SPATA6: variants seen among roughly 807,000 people sequenced by gnomAD.
The protein encoded by SPATA6 is spermatogenesis-associated protein 6.
A neutral mutation model predicts 65.3 loss-of-function variants in SPATA6; 56 were observed. That is an observed-to-expected ratio of 0.86 (90% confidence interval 0.69 to 1.07). The LOEUF is 1.07. Ranked by LOEUF, SPATA6 falls within the 50% of genes least tolerant of loss-of-function variation. The pLI, the probability that SPATA6 is intolerant of heterozygous loss-of-function variation, is 0.00. For missense variants in SPATA6, 590 were observed against 594.8 expected (o/e 0.99, Z 0.08); for synonymous variants, 199 against 213.2 (o/e 0.93, Z 0.58).
the SPATA6 span, among the ~76,000 whole-genome samples, chr1:48,264,424 G>A: frequency 6.6e-6 from 1 of 152,154 alleles, no homozygotes; most frequent in East Asian, 1.9e-4. Context: ...GAACATGCAG[G>A]TTTGTTACAT....
downstream of SPATA6, among the ~76,000 whole-genome samples, chr1:48,290,573 C>T (rs558608924): frequency 1.2e-4 from 19 of 152,192 alleles, no homozygotes; most frequent in East Asian, 7.7e-4. Context: ...AGAGTCAAGA[C>T]CCATCAGTGT....
chr1:48,418,707 A>AAAAG (rs1653028111), intron 3 of SPATA6, among the ~76,000 whole-genome samples: 19 of 150,828 alleles, frequency 1.3e-4, no homozygotes, highest in Non-Finnish European at 2.5e-4. Flanking sequence ...GGGCAACAAA[A>AAAAG]CAAGACCCAG....
chr1:48,435,444 A>T (rs138116518), intron 3 of SPATA6, among the ~76,000 whole-genome samples: 104 of 151,482 alleles, frequency 6.9e-4, no homozygotes, highest in African/African-American at 2.5e-3. Flanking sequence ...ACCAATCAGC[A>T]CTCTGTGTCT....
rs562422401 is a variant in SPATA6, at chr1:48,356,711, G to C, written c.1095-942C>G. ...TTAGTAGAGAGGTTTCATCATGTTG[G>C]TCAGGCTGGTCCCAAACTGCTGACC... On this transcript the variant is annotated intron_variant, in intron 10 of 12. Transcript: ENST00000371847. Among the ~76,000 whole-genome samples, 7 of 151,838 alleles carry C rather than the reference G, an allele frequency of 4.6e-5. No homozygotes were observed. In the South Asian group the frequency reaches 1.5e-3, roughly 32 times the overall value.
At chr1:48,363,624 G>T (rs1467428601) in intron 9 of SPATA6, among the ~76,000 whole-genome samples, 1 of 151,674 alleles carries the variant, frequency 6.6e-6, no homozygotes, top group Non-Finnish European at 1.5e-5. Context: ...TATGAAAAGA[G>T]TTTTTTTAAT....
At chr1:48,444,100 G>A (rs1303850436) in intron 3 of SPATA6, among the ~76,000 whole-genome samples, 1 of 152,214 alleles carries the variant, frequency 6.6e-6, no homozygotes. Flanking sequence ...GGGACTGAGA[G>A]GTGAAGCCAG....
intron 3 of SPATA6, among the ~76,000 whole-genome samples, chr1:48,440,035 A>AAG (rs1395874656): frequency 6.6e-6 from 1 of 152,168 alleles, no homozygotes; most frequent in African/African-American, 2.4e-5. Flanking sequence ...TACATCCCAC[A>AAG]AGAGGACCTC....
chr1:48,422,545 G>C (rs1653448056), intron 3 of SPATA6, among the ~76,000 whole-genome samples: 1 of 152,146 alleles, frequency 6.6e-6, no homozygotes, highest in Non-Finnish European at 1.5e-5. Context: ...TAACTCAAAA[G>C]AACCTGGTCT....
intron 3 of SPATA6, among the ~76,000 whole-genome samples, chr1:48,430,261 A>G (rs979558237): frequency 1.3e-5 from 2 of 152,168 alleles, no homozygotes; most frequent in African/African-American, 4.8e-5. Context: ...TCACTTACAA[A>G]AGGTCTTCAA....
chr1:48,463,350 GT>G lies in SPATA6; in HGVS notation c.51+8607del, dbSNP rs199689640. 5.3e-3 allele frequency among the ~76,000 whole-genome samples: 807 copies of G among 152,244 alleles called. 22 individuals are homozygous for G. Among genetic ancestry groups the G allele is most frequent in the South Asian group, 0.05 (243 of 4,814 alleles). ...TATGTGTAGGTATGTATGTGTATAG[GT>G]AGGGGGGAGAGTATGAGTATGGGAG... On this transcript the variant is annotated intron_variant, in intron 1 of 12. Transcript: ENST00000371847.
intron 11 of SPATA6, among the ~76,000 whole-genome samples, chr1:48,346,362 T>A (rs974049348): frequency 6.6e-6 from 1 of 151,964 alleles, no homozygotes; most frequent in Non-Finnish European, 1.5e-5. Flanking sequence ...AAACTGACAG[T>A]CAACATCATA....
chr1:48,366,973 C>G (rs1647040238), intron 9 of SPATA6, among the ~76,000 whole-genome samples: 1 of 152,038 alleles, frequency 6.6e-6, no homozygotes, highest in African/African-American at 2.4e-5. Context: ...TTGAATATGT[C>G]CCAGAGATTC....
At chr1:48,386,885 AGTGGCAGCAGGGCTGC>A (rs1361839429) in intron 8 of SPATA6, among the ~76,000 whole-genome samples, 3 of 152,236 alleles carry the variant, frequency 2.0e-5, no homozygotes, top group Non-Finnish European at 4.4e-5. Flanking sequence ...CCTGGAGCCC[AGTGGCAGCAGGGCTGC>A]CCCCAGGACT....
the SPATA6 span, among the ~76,000 whole-genome samples, chr1:48,273,177 T>C: frequency 2.6e-5 from 4 of 152,314 alleles, no homozygotes; most frequent in East Asian, 7.7e-4. Flanking sequence ...TATCCAAAAA[T>C]ATTATTGCCA....
intron 11 of SPATA6, among the ~76,000 whole-genome samples, chr1:48,307,408 A>C (rs1157626155): frequency 1.3e-5 from 2 of 148,766 alleles, no homozygotes; most frequent in African/African-American, 2.4e-5. Flanking sequence ...ATTCATATAT[A>C]TATAACTTGC....
intron 12 of SPATA6, among the ~76,000 whole-genome samples, chr1:48,301,578 C>G (rs555239682): frequency 1.3e-5 from 2 of 151,786 alleles, no homozygotes; most frequent in South Asian, 4.2e-4. Flanking sequence ...CAAAGCAATC[C>G]TGAGCAAACA....
At chr1:48,431,829 G>T (rs914754105) in intron 3 of SPATA6, among the ~76,000 whole-genome samples, 1 of 152,208 alleles carries the variant, frequency 6.6e-6, no homozygotes, top group Admixed American at 6.5e-5. Context: ...AATAAGAAAG[G>T]GCAGGGTGTA....
At chr1:48,271,934 G>T in the SPATA6 span, among the ~76,000 whole-genome samples, 1 of 152,080 alleles carries the variant, frequency 6.6e-6, no homozygotes. Context: ...AATAGTCAGG[G>T]TAAGCTCCTT....
intron 11 of SPATA6, among the ~76,000 whole-genome samples, chr1:48,316,176 A>G (rs1277495124): frequency 6.6e-6 from 1 of 152,214 alleles, no homozygotes; most frequent in Non-Finnish European, 1.5e-5. Flanking sequence ...GAATTGGAAA[A>G]AACTACTTTA....
Sources: allele counts gnomAD v4.1 joint callset (sites outside exome capture counted in the v4.1 genomes callset), GRCh38; gene constraint gnomAD v4.1.1; transcripts MANE v1.5; gene names NCBI Gene and HGNC (gene_info 2026-07-23, HGNC 2026-07-21).